The following ADGRG6 variants were observed in gnomAD, a reference collection of about 807,000 sequenced individuals.
ADGRG6 encodes the protein adhesion G protein-coupled receptor G6.
A neutral mutation model predicts 142.4 loss-of-function variants in ADGRG6; 84 were observed. The ratio of observed to expected loss-of-function variants is 0.59; its 90% CI spans 0.49 to 0.71. The LOEUF is 0.71. Ranked by LOEUF, ADGRG6 falls within the 30% of genes least tolerant of loss-of-function variation. The probability of loss-of-function intolerance (pLI) is 0.00; values close to 1 mark genes in which losing one functional copy is unlikely to be tolerated. For synonymous variants in ADGRG6, 521 were observed against 520.5 expected (o/e 1.00, Z -0.01); for missense variants, 1,367 against 1,466.6 (o/e 0.93, Z 1.11).
Position 142,437,459 on chromosome 6 carries a change from T to C in ADGRG6, c.3345T>C (p.Cys1115=), listed in dbSNP as rs767111139. 1.3e-5 allele frequency: 20 copies of C among 1,564,380 alleles called. No homozygotes were observed. The highest frequency in any genetic ancestry group is 1.6e-5 in the Non-Finnish European group (18 of 1,135,044). ...GCTTATTTATATTCATCTTCCACTG[T>C]GCTATGAAGGAGAATGTTCAGAAAC... ...LQGLFIFIFH[C]AMKENVQKQW... The change falls in exon 23 of 25, where the codon TGT becomes TGC. Residue 1115 remains cysteine (C), a synonymous_variant. Coordinates refer to ENST00000367609, the MANE Select transcript of ADGRG6 (RefSeq NM_198569.3).
chr6:142,416,924 A>G (rs1045885960), intron 20 of ADGRG6, among the ~76,000 whole-genome samples: 8 of 152,196 alleles, frequency 5.3e-5, no homozygotes, highest in Non-Finnish European at 1.2e-4. Context: ...AAACTCTGCC[A>G]GTCTAACAAG....
At position 142,370,173 on chromosome 6, in the gene ADGRG6, C is replaced by A; in HGVS notation, c.449C>A (p.Ala150Asp). ...KGFNASYIRV[A>D]VSLRNQKVIL... ...TTCTTGTTATGTTTTGTCCTAGTTG[C>A]CGTGTCCTTAAGGAATCAAAAGGTC... Residue 150 changes from alanine to aspartate, a missense_variant, in exon 4 of 25, where the codon GCC (alanine) becomes GAC (aspartate). Ala to Asp is a moderately radical substitution (Grantham distance 126, BLOSUM62 -2). Coordinates refer to ENST00000367609, the MANE Select transcript of ADGRG6 (RefSeq NM_198569.3). 6.3e-7 allele frequency: 1 copy of A among 1,592,328 alleles called. No homozygotes were observed. The highest frequency in any genetic ancestry group is 1.1e-5 in the South Asian group (1 of 89,896).
At chr6:142,414,710 C>T (rs555454710) in intron 18 of ADGRG6, among the ~76,000 whole-genome samples, 8 of 152,220 alleles carry the variant, frequency 5.3e-5, no homozygotes, top group African/African-American at 1.9e-4. Context: ...CAGGTTATAC[C>T]GGTTTGCAGA....
chr6:142,378,114 G>A (rs1331607490), intron 4 of ADGRG6, among the ~76,000 whole-genome samples: 3 of 152,180 alleles, frequency 2.0e-5, no homozygotes, highest in Admixed American at 6.5e-5. Context: ...TTGTTACTGT[G>A]CAATGAAACT....
intron 6 of ADGRG6, among the ~76,000 whole-genome samples, chr6:142,387,399 T>C (rs1782085727): frequency 1.3e-5 from 2 of 152,200 alleles, no homozygotes; most frequent in African/African-American, 4.8e-5. Flanking sequence ...CTCACATACG[T>C]TTAGCTGCTT....
intron 2 of ADGRG6, among the ~76,000 whole-genome samples, chr6:142,328,256 G>T (rs1175402423): frequency 6.6e-6 from 1 of 152,134 alleles, no homozygotes; most frequent in Non-Finnish European, 1.5e-5. Flanking sequence ...AGGCTGAAGT[G>T]CAGTGGCATG....
intron 2 of ADGRG6, among the ~76,000 whole-genome samples, chr6:142,337,447 A>G (rs1407422070): frequency 6.6e-6 from 1 of 152,166 alleles, no homozygotes; most frequent in Non-Finnish European, 1.5e-5. Flanking sequence ...ACCAAAACAA[A>G]CCAGAAAAAT....
intron 1 of ADGRG6, among the ~76,000 whole-genome samples, chr6:142,305,080 T>C (rs1777417010): frequency 6.6e-6 from 1 of 152,178 alleles, no homozygotes; most frequent in African/African-American, 2.4e-5. Context: ...AGAAAATATG[T>C]ATATTTGTAA....
At chr6:142,356,832 C>T (rs376843199) in intron 2 of ADGRG6, among the ~76,000 whole-genome samples, 13 of 152,210 alleles carry the variant, frequency 8.5e-5, no homozygotes, top group East Asian at 3.9e-4. Context: ...CACATAAGCA[C>T]GAATTACTTC....
intron 2 of ADGRG6, among the ~76,000 whole-genome samples, chr6:142,316,400 C>A (rs1735125232): frequency 6.6e-6 from 1 of 151,726 alleles, no homozygotes; most frequent in South Asian, 2.1e-4. Context: ...TTGGTTTGGG[C>A]AAAACTACAA....
chr6:142,303,635 T>A (rs1777336723), intron 1 of ADGRG6, among the ~76,000 whole-genome samples: 1 of 152,246 alleles, frequency 6.6e-6, no homozygotes, highest in African/African-American at 2.4e-5. Context: ...TGTTCTCATA[T>A]ACAGGCTACA....
intron 2 of ADGRG6, among the ~76,000 whole-genome samples, chr6:142,326,099 G>A (rs1778764220): frequency 1.3e-5 from 2 of 152,108 alleles, no homozygotes; most frequent in East Asian, 3.9e-4. Context: ...AAATATGCAT[G>A]CCTGTAAAAA....
chr6:142,311,592 T>C (rs1777773587), intron 2 of ADGRG6, among the ~76,000 whole-genome samples: 1 of 152,014 alleles, frequency 6.6e-6, no homozygotes, highest in African/African-American at 2.4e-5. Flanking sequence ...TAAATCAAAG[T>C]GTAATACTGC....
intron 22 of ADGRG6, among the ~76,000 whole-genome samples, chr6:142,420,901 G>A (rs1238207322): frequency 2.0e-5 from 3 of 152,156 alleles, no homozygotes; most frequent in Non-Finnish European, 4.4e-5. Context: ...GTGTGCAGAA[G>A]CACCATGAGG....
intron 3 of ADGRG6, among the ~76,000 whole-genome samples, chr6:142,369,041 A>G (rs1296129391): frequency 6.6e-6 from 1 of 152,194 alleles, no homozygotes; most frequent in Non-Finnish European, 1.5e-5. Flanking sequence ...TTTAAATTCT[A>G]TCATAGATTT....
intron 2 of ADGRG6, among the ~76,000 whole-genome samples, chr6:142,313,162 T>G (rs1037528796): frequency 5.3e-5 from 8 of 152,012 alleles, no homozygotes; most frequent in African/African-American, 1.9e-4. Flanking sequence ...GAAAAAAAGC[T>G]GATGAATTTC....
chr6:142,382,807 G>A (rs1159143670), intron 5 of ADGRG6, among the ~76,000 whole-genome samples: 1 of 152,116 alleles, frequency 6.6e-6, no homozygotes, highest in Non-Finnish European at 1.5e-5. Flanking sequence ...GAAGATCATA[G>A]CACAAAAGTG....
At chr6:142,422,429 C>G (rs1193362068) in intron 22 of ADGRG6, among the ~76,000 whole-genome samples, 1 of 152,068 alleles carries the variant, frequency 6.6e-6, no homozygotes, top group East Asian at 1.9e-4. Context: ...GTTTTTTGCT[C>G]TTGCGATAGT....
intron 22 of ADGRG6, among the ~76,000 whole-genome samples, chr6:142,420,734 C>G (rs1043495717): frequency 2.0e-5 from 3 of 152,156 alleles, no homozygotes; most frequent in African/African-American, 4.8e-5. Context: ...CTTCAAAGAG[C>G]TTGCAGTCAT....
Sources: gnomAD v4.1 joint callset for allele counts (sites outside exome capture counted in the v4.1 genomes callset) on GRCh38, gnomAD v4.1.1 for gene constraint, MANE v1.5 for transcripts, NCBI Gene and HGNC (gene_info 2026-07-23, HGNC 2026-07-21) for gene names.